Variants in ROBO2 observed in about 807,000 individuals in gnomAD.
ROBO2 encodes roundabout homolog 2.
Under a neutral mutation model 160.8 loss-of-function variants are expected in ROBO2, and 53 were observed. That is an observed-to-expected ratio of 0.33 (90% CI 0.26 to 0.41). ROBO2 has a LOEUF of 0.41. Among genes scored for constraint, ROBO2 ranks in the 10% least tolerant of loss-of-function variants. The pLI, the probability that ROBO2 is intolerant of heterozygous loss-of-function variation, is 1.00. For missense variants in ROBO2, 1,577 were observed against 1,722.4 expected (o/e 0.92, Z 1.49); for synonymous variants, 664 against 611.7 (o/e 1.09, Z -1.26).
At chr3:77,375,020 G>A (rs1181714972) in intron 2 of ROBO2, among the ~76,000 whole-genome samples, 1 of 152,134 alleles carries the variant, frequency 6.6e-6, no homozygotes, top group African/African-American at 2.4e-5. Flanking sequence ...GTCAGCCTGG[G>A]CAACATAGCA....
intron 2 of ROBO2, among the ~76,000 whole-genome samples, chr3:76,507,998 A>T (rs924214249): frequency 6.6e-6 from 1 of 152,170 alleles, no homozygotes; most frequent in African/African-American, 2.4e-5. Flanking sequence ...TCCTCTTTAT[A>T]TATGTATATG....
chr3:76,272,628 A>G (rs1036720499), intron 2 of ROBO2, among the ~76,000 whole-genome samples: 6 of 143,540 alleles, frequency 4.2e-5, no homozygotes, highest in Non-Finnish European at 7.6e-5. Flanking sequence ...ATGCCAGTGC[A>G]CTCCAGCCTG....
intron 2 of ROBO2, among the ~76,000 whole-genome samples, chr3:76,886,261 T>A (rs55919854): frequency 0.65 from 88,483 of 135,408 alleles, 26,794 homozygotes; most frequent in Admixed American, 0.72. Flanking sequence ...TCCAAAAAAA[T>A]ATATATATAT....
At chr3:76,805,246 C>G (rs2064586689) in intron 2 of ROBO2, among the ~76,000 whole-genome samples, 1 of 151,924 alleles carries the variant, frequency 6.6e-6, no homozygotes, top group African/African-American at 2.4e-5. Context: ...TTCATTTTTG[C>G]TTTTTCTGCT....
At chr3:77,111,687 A>G (rs912635497) in intron 2 of ROBO2, among the ~76,000 whole-genome samples, 2 of 151,604 alleles carry the variant, frequency 1.3e-5, no homozygotes, top group African/African-American at 2.4e-5. Context: ...TTTTTAGGGG[A>G]AGGGAAAGAA....
chr3:77,093,239 T>G (rs1223833035), intron 1 of ROBO2, among the ~76,000 whole-genome samples: 1 of 152,188 alleles, frequency 6.6e-6, no homozygotes, highest in East Asian at 1.9e-4. Context: ...CCTCTATTTC[T>G]AATACACCTT....
intron 2 of ROBO2, among the ~76,000 whole-genome samples, chr3:77,165,528 C>T (rs2078994939): frequency 1.4e-5 from 2 of 147,784 alleles, no homozygotes; most frequent in Admixed American, 1.4e-4. Context: ...GCCAAATCCC[C>T]CTCTGTGAGA....
chr3:76,985,575 G>GAAAAAAAAAAAAAAAAAAAAAAA (rs532632866), intron 2 of ROBO2, among the ~76,000 whole-genome samples: 3 of 26,358 alleles, frequency 1.1e-4, no homozygotes, highest in African/African-American at 3.0e-4. Context: ...GACTCCGTCT[G>GAAAAAAAAAAAAAAAAAAAAAAA]AAAAAAAAAA....
At chr3:76,099,688 C>T (rs1409063265) in intron 2 of ROBO2, among the ~76,000 whole-genome samples, 1 of 152,032 alleles carries the variant, frequency 6.6e-6, no homozygotes, top group Non-Finnish European at 1.5e-5. Flanking sequence ...TGTTAAAAAT[C>T]TGCAAAATTT....
intron 2 of ROBO2, among the ~76,000 whole-genome samples, chr3:77,249,364 A>G (rs1438846834): frequency 6.6e-6 from 1 of 152,238 alleles, no homozygotes. Context: ...ATAATCAAAT[A>G]TTCATACATA....
chr3:76,463,388 T>TA (rs756401156), intron 2 of ROBO2, among the ~76,000 whole-genome samples: 17 of 151,864 alleles, frequency 1.1e-4, no homozygotes, highest in South Asian at 4.2e-4. Context: ...AAAAACAAAA[T>TA]AAAAAAAACT....
intron 2 of ROBO2, among the ~76,000 whole-genome samples, chr3:76,173,820 A>G (rs2073129124): frequency 6.6e-6 from 1 of 152,154 alleles, no homozygotes; most frequent in South Asian, 2.1e-4. Context: ...GTTGCAATAA[A>G]CATATATTTG....
chr3:76,142,232 A>T (rs1359795758), intron 2 of ROBO2, among the ~76,000 whole-genome samples: 1 of 152,024 alleles, frequency 6.6e-6, no homozygotes, highest in Non-Finnish European at 1.5e-5. Flanking sequence ...ATAAATAGTG[A>T]TTGACATTAT....
At chr3:76,342,665 G>C (rs1011480565) in intron 2 of ROBO2, among the ~76,000 whole-genome samples, 1 of 152,038 alleles carries the variant, frequency 6.6e-6, no homozygotes, top group African/African-American at 2.4e-5. Flanking sequence ...TTATATGCTA[G>C]CCATGCTAGC....
intron 2 of ROBO2, among the ~76,000 whole-genome samples, chr3:77,105,162 A>G (rs570247895): frequency 3.9e-5 from 6 of 152,342 alleles, no homozygotes; most frequent in African/African-American, 1.4e-4. Context: ...CAATTATACT[A>G]GAAGTCAGTT....
At chr3:77,566,146 A>G (rs2093473165) in intron 12 of ROBO2, among the ~76,000 whole-genome samples, 2 of 152,082 alleles carry the variant, frequency 1.3e-5, no homozygotes, top group South Asian at 2.1e-4. Flanking sequence ...GGTGATAGTA[A>G]CTAGCATGCT....
upstream of ROBO2, among the ~76,000 whole-genome samples, chr3:77,036,863 ATTT>A (rs111659836): frequency 7.1e-6 from 1 of 140,606 alleles, no homozygotes. Context: ...GAAAACCTTA[ATTT>A]TTTTTTTTTT....
chr3:77,597,681 T>C lies in ROBO2; in HGVS notation c.2854+931T>C, dbSNP rs55806324. On this transcript the variant is annotated intron_variant, in intron 19 of 25. Coordinates refer to ENST00000461745, the Ensembl canonical transcript of ROBO2. ...ACAGAATATTATTTAAGTTGATACC[T>C]GAAGCAAATTTAAAAATGAGTCAAA... Among the ~76,000 whole-genome samples, 506 of 150,838 alleles carry C rather than the reference T, an allele frequency of 3.4e-3. 1 individual carries two copies. Among genetic ancestry groups the C allele is most frequent in the African/African-American group, 0.012 (483 of 40,966 alleles).
intron 2 of ROBO2, among the ~76,000 whole-genome samples, chr3:76,271,796 A>G (rs1707447876): frequency 6.6e-6 from 1 of 151,706 alleles, no homozygotes; most frequent in Non-Finnish European, 1.5e-5. Context: ...CCTTTATTCC[A>G]TGAAGATGAA....
Sources: gnomAD v4.1 joint callset for allele counts (sites outside exome capture counted in the v4.1 genomes callset) on GRCh38, gnomAD v4.1.1 for gene constraint, MANE v1.5 for transcripts, NCBI Gene and HGNC (gene_info 2026-07-23, HGNC 2026-07-21) for gene names.